The following FHIT variants were observed in gnomAD, a reference collection of about 807,000 sequenced individuals.
FHIT encodes the protein fragile histidine triad diadenosine triphosphatase, also known as bis(5'-adenosyl)-triphosphatase.
Under a neutral mutation model 17.9 loss-of-function variants are expected in FHIT, and 19 were observed. The observed-to-expected ratio is 1.06, with a 90% CI of 0.74 to 1.56. The LOEUF (loss-of-function observed/expected upper bound fraction) is 1.56, where lower values mean the gene tolerates loss of function less well. Ranked by LOEUF, FHIT falls within the 40% of genes most tolerant of loss-of-function variation. FHIT has a pLI of 0.00. For missense variants in FHIT, 248 were observed against 189.2 expected, an observed-to-expected ratio of 1.31 and a Z score of -1.82; for synonymous variants, 81 against 69.7, an observed-to-expected ratio of 1.16 and a Z score of -0.81.
chr3:60,709,641 T>A (rs553710471), intron 4 of FHIT, among the ~76,000 whole-genome samples: 1 of 152,224 alleles, frequency 6.6e-6, no homozygotes. Flanking sequence ...ATCTTCCAAA[T>A]GTTGACACCT....
intron 8 of FHIT, among the ~76,000 whole-genome samples, chr3:59,772,346 C>T (rs1702110897): frequency 6.6e-6 from 1 of 152,228 alleles, no homozygotes; most frequent in Non-Finnish European, 1.5e-5. Context: ...CTCACCTTTT[C>T]TGAAGGATTG....
chr3:61,172,117 G>A (rs2038023145), intron 2 of FHIT, among the ~76,000 whole-genome samples: 1 of 152,080 alleles, frequency 6.6e-6, no homozygotes. Context: ...GGTGCAGAAA[G>A]AAGAAAATTG....
At chr3:60,576,946 G>GCACACACACACA (rs1405117424) in intron 4 of FHIT, among the ~76,000 whole-genome samples, 1 of 32,794 alleles carries the variant, frequency 3.0e-5, no homozygotes, top group South Asian at 2.4e-3. Flanking sequence ...GCATCCATTT[G>GCACACACACACA]CATACACACA....
chr3:60,174,980 G>A (rs80348793), intron 5 of FHIT, among the ~76,000 whole-genome samples: 5,220 of 152,212 alleles, frequency 0.034, 279 homozygotes, highest in African/African-American at 0.12. Context: ...TAGGTTGACT[G>A]TGTGAACGAA....
At chr3:60,367,081 A>T (rs1333751279) in intron 5 of FHIT, among the ~76,000 whole-genome samples, 1 of 152,246 alleles carries the variant, frequency 6.6e-6, no homozygotes, top group Non-Finnish European at 1.5e-5. Context: ...GAGACTCATC[A>T]ATACTCAACT....
chr3:60,451,490 C>G (rs1481347694), intron 5 of FHIT, among the ~76,000 whole-genome samples: 2 of 152,000 alleles, frequency 1.3e-5, no homozygotes, highest in Non-Finnish European at 2.9e-5. Flanking sequence ...AAAACTGATA[C>G]TAGAAAAAAA....
chr3:60,006,235 G>A (rs1414016978), intron 7 of FHIT, among the ~76,000 whole-genome samples: 1 of 152,156 alleles, frequency 6.6e-6, no homozygotes, highest in East Asian at 1.9e-4. Flanking sequence ...AATTTTCAAA[G>A]TGTCATTTTT....
chr3:60,842,578 G>C (rs1431440229), intron 3 of FHIT, among the ~76,000 whole-genome samples: 7 of 136,352 alleles, frequency 5.1e-5, no homozygotes, highest in Non-Finnish European at 4.6e-5. Flanking sequence ...GCTTATTAAA[G>C]AACCTAGAGA....
intron 5 of FHIT, among the ~76,000 whole-genome samples, chr3:60,454,663 T>C (rs2031974638): frequency 6.6e-6 from 1 of 152,088 alleles, no homozygotes; most frequent in South Asian, 2.1e-4. Flanking sequence ...GGATTATAGG[T>C]GTGAGCCACC....
At chr3:60,409,943 G>A (rs1333095613) in intron 5 of FHIT, among the ~76,000 whole-genome samples, 1 of 152,120 alleles carries the variant, frequency 6.6e-6, no homozygotes, top group African/African-American at 2.4e-5. Flanking sequence ...TATTATAGAT[G>A]AAGCAAGCTT....
rs554115781 is a variant in FHIT at position 59,802,279 on chromosome 3, T to A, written c.349-49958A>T. Among the ~76,000 whole-genome samples the A allele has an allele frequency of 2.6e-5, 4 of 152,322 alleles. No individual in the cohort carries two copies. In the East Asian group the frequency reaches 7.7e-4, roughly 29 times the overall value. Reference sequence around the variant, plus strand: ...CCCTATTCAGACAGAAGCCTGTGTGTGCTCTAGTTCCCAACAGTTTCCTTT... The same window carrying A: ...CCCTATTCAGACAGAAGCCTGTGTGAGCTCTAGTTCCCAACAGTTTCCTTT... On this transcript the variant is annotated intron_variant, in intron 8 of 9. Coordinates refer to ENST00000492590, the MANE Select transcript of FHIT (RefSeq NM_002012.4).
intron 4 of FHIT, among the ~76,000 whole-genome samples, chr3:60,649,606 T>C (rs1023516458): frequency 1.3e-5 from 2 of 152,042 alleles, no homozygotes; most frequent in South Asian, 2.1e-4. Context: ...AACAACAAAA[T>C]AGTATTACTG....
chr3:60,633,421 G>A (rs1553682938), intron 4 of FHIT, among the ~76,000 whole-genome samples: 1 of 152,138 alleles, frequency 6.6e-6, no homozygotes, highest in Non-Finnish European at 1.5e-5. Context: ...CACACAATAA[G>A]TATTAGAAAT....
At chr3:60,248,060 T>C (rs1705495627) in intron 5 of FHIT, among the ~76,000 whole-genome samples, 1 of 152,138 alleles carries the variant, frequency 6.6e-6, no homozygotes, top group Admixed American at 6.5e-5. Flanking sequence ...GTTAGAGGAA[T>C]GACTTATAAC....
At chr3:60,940,310 C>T (rs570127923) in intron 3 of FHIT, among the ~76,000 whole-genome samples, 2 of 152,152 alleles carry the variant, frequency 1.3e-5, no homozygotes, top group South Asian at 2.1e-4. Context: ...GTTAACTAGC[C>T]TATTCTGAAG....
chr3:60,082,263 T>C (rs921362400), intron 5 of FHIT, among the ~76,000 whole-genome samples: 1 of 152,098 alleles, frequency 6.6e-6, no homozygotes, highest in Non-Finnish European at 1.5e-5. Context: ...CTTAGGATAA[T>C]GACCTGCAGC....
At chr3:59,869,836 G>T (rs1308085789) in intron 8 of FHIT, among the ~76,000 whole-genome samples, 1 of 151,934 alleles carries the variant, frequency 6.6e-6, no homozygotes, top group Non-Finnish European at 1.5e-5. Flanking sequence ...CCAGATGAAA[G>T]CTGCCCACTG....
chr3:60,047,876 G>A (rs1168122802), intron 5 of FHIT, among the ~76,000 whole-genome samples: 1 of 152,170 alleles, frequency 6.6e-6, no homozygotes, highest in East Asian at 1.9e-4. Context: ...TGTACCTAAA[G>A]CTATCTGATG....
chr3:60,932,484 T>G (rs566878557), intron 3 of FHIT, among the ~76,000 whole-genome samples: 1 of 152,324 alleles, frequency 6.6e-6, no homozygotes, highest in South Asian at 2.1e-4. Flanking sequence ...ATCAGAGAAT[T>G]GGAGGAAAGA....
Sources: allele counts gnomAD v4.1 joint callset (sites outside exome capture counted in the v4.1 genomes callset), GRCh38; gene constraint gnomAD v4.1.1; transcripts MANE v1.5; gene names NCBI Gene and HGNC (gene_info 2026-07-23, HGNC 2026-07-21).